EDIL3: variants seen among roughly 807,000 people sequenced by gnomAD.
EDIL3 encodes the protein EGF like and discoidin domains 3, also known as EGF-like repeat and discoidin I-like domain-containing protein 3.
In EDIL3, 37 loss-of-function variants were observed where a neutral mutation model predicts 67.4. That is an observed-to-expected ratio of 0.55 (90% confidence interval 0.42 to 0.72). The LOEUF (loss-of-function observed/expected upper bound fraction) is 0.72, where lower values mean the gene tolerates loss of function less well. Among genes scored for constraint, EDIL3 ranks in the 30% least tolerant of loss-of-function variants. EDIL3 has a pLI of 0.00. For missense variants in EDIL3, 527 were observed against 586.3 expected (o/e 0.90, Z 1.04); for synonymous variants, 195 against 196.3 (o/e 0.99, Z 0.05).
At chr5:83,964,837 T>C (rs961627556) in intron 9 of EDIL3, among the ~76,000 whole-genome samples, 26 of 152,012 alleles carry the variant, frequency 1.7e-4, no homozygotes, top group African/African-American at 6.3e-4. Flanking sequence ...TATTATATTA[T>C]CTAAAATGTC....
At chr5:84,126,941 C>T (rs1446248004) in intron 5 of EDIL3, among the ~76,000 whole-genome samples, 2 of 152,038 alleles carry the variant, frequency 1.3e-5, no homozygotes, top group African/African-American at 4.8e-5. Context: ...TATTAAGTTA[C>T]TGCCAAGTAA....
chr5:84,036,916 C>A (rs557917048), intron 9 of EDIL3, among the ~76,000 whole-genome samples: 7 of 152,260 alleles, frequency 4.6e-5, no homozygotes, highest in African/African-American at 1.7e-4. Context: ...CCATCTCATT[C>A]AAAAACAGAT....
intron 2 of EDIL3, among the ~76,000 whole-genome samples, chr5:84,246,241 T>C: frequency 6.6e-6 from 1 of 152,188 alleles, no homozygotes. Context: ...CCCTCAAAAG[T>C]GTTGTTAGCT....
rs1252295844 is a variant in EDIL3 at position 83,963,254 on chromosome 5, T to A, written c.1244A>T (p.Asp415Val). ...VGSYKLAYSN[D>V]GEHWTVYQDE... ...CTGGTATACAGTCCAGTGTTCTCCA[T>A]CATTGCTGTAAGCCAGTTTGTAGGA... The change falls in exon 10 of 11, where the codon GAT (aspartate) becomes GTT (valine). Residue 415 changes from aspartate to valine, a missense_variant. Coordinates refer to ENST00000296591, the MANE Select transcript of EDIL3 (RefSeq NM_005711.5). 6.2e-7 allele frequency: 1 copy of A among 1,610,602 alleles called. No homozygotes were observed.
intron 9 of EDIL3, among the ~76,000 whole-genome samples, chr5:84,045,208 G>A (rs886428876): frequency 2.0e-5 from 3 of 152,102 alleles, no homozygotes; most frequent in African/African-American, 7.2e-5. Context: ...TCTCCCTCTA[G>A]GTCCCTCCCA....
intron 1 of EDIL3, among the ~76,000 whole-genome samples, chr5:84,264,907 A>G (rs572906075): frequency 4.5e-4 from 69 of 152,296 alleles, no homozygotes; most frequent in African/African-American, 1.6e-3. Context: ...GTTTCACAGA[A>G]TCTTCTTATT....
chr5:84,243,178 G>T (rs116948202), intron 2 of EDIL3, among the ~76,000 whole-genome samples: 7 of 152,170 alleles, frequency 4.6e-5, no homozygotes, highest in African/African-American at 1.4e-4. Flanking sequence ...TACAGTGACC[G>T]ATAAACTGCA....
chr5:83,967,172 C>T (rs531893877), intron 9 of EDIL3, among the ~76,000 whole-genome samples: 17 of 151,972 alleles, frequency 1.1e-4, no homozygotes, highest in South Asian at 2.1e-4. Flanking sequence ...ATTACAAAAA[C>T]TAGCTGGGTG....
chr5:84,234,778 T>A (rs1176808009), intron 2 of EDIL3, among the ~76,000 whole-genome samples: 1 of 152,186 alleles, frequency 6.6e-6, no homozygotes, highest in African/African-American at 2.4e-5. Context: ...ATAAATTTGG[T>A]TAAGCATGTA....
intron 1 of EDIL3, among the ~76,000 whole-genome samples, chr5:84,315,590 T>A (rs1043422442): frequency 1.3e-5 from 2 of 152,196 alleles, no homozygotes; most frequent in African/African-American, 4.8e-5. Context: ...TAATATTTTT[T>A]AAAAAGTTGC....
intron 9 of EDIL3, among the ~76,000 whole-genome samples, chr5:84,017,726 A>G (rs1745633174): frequency 6.6e-6 from 1 of 152,208 alleles, no homozygotes; most frequent in African/African-American, 2.4e-5. Context: ...TGAATTACAA[A>G]TATTACAAAG....
chr5:84,132,744 T>C (rs1312345628), intron 5 of EDIL3, among the ~76,000 whole-genome samples: 1 of 149,968 alleles, frequency 6.7e-6, no homozygotes, highest in African/African-American at 2.5e-5. Context: ...TCAAAATATA[T>C]TCATAGGTAT....
At position 84,337,923 on chromosome 5, in the gene EDIL3, T is replaced by C. The variant is rs73144544; in HGVS notation, c.67+46385A>G. On this transcript the variant is annotated intron_variant, in intron 1 of 10. Coordinates refer to ENST00000296591, the MANE Select transcript of EDIL3 (RefSeq NM_005711.5). ...TCCGAGGTTATCAGTCATGCAACTA[T>C]AGAAGAATGTGCATCTTCTTTTCTA... 9.4e-3 allele frequency among the ~76,000 whole-genome samples: 1,433 copies of C among 152,258 alleles called. 16 individuals are homozygous for C. Among genetic ancestry groups the C allele is most frequent in the African/African-American group, 0.032 (1,337 of 41,560 alleles).
chr5:84,380,615 T>G (rs923067232), intron 1 of EDIL3, among the ~76,000 whole-genome samples: 1 of 152,210 alleles, frequency 6.6e-6, no homozygotes, highest in East Asian at 1.9e-4. Flanking sequence ...AATTACTTTT[T>G]TAGGCTTCAA....
In EDIL3 at chr5:83,964,774, C is replaced by T. The variant is rs191336295; in HGVS notation, c.1138-1414G>A. On this transcript the variant is annotated intron_variant, in intron 9 of 10. Transcript: ENST00000296591. The stretch of plus-strand genomic sequence containing the variant: ...TTAGGACAAAAGACCACCTTTAATG[C>T]TCTATTTAAACATTTTCAAAAATCA... 9.5e-3 allele frequency among the ~76,000 whole-genome samples: 1,443 copies of T among 152,108 alleles called. 10 individuals are homozygous for T. The highest frequency in any genetic ancestry group is 0.015 in the Non-Finnish European group (1,019 of 67,966).
intron 5 of EDIL3, among the ~76,000 whole-genome samples, chr5:84,122,745 G>A (rs1279512604): frequency 1.3e-5 from 2 of 151,880 alleles, no homozygotes; most frequent in Admixed American, 6.6e-5. Flanking sequence ...TTATGAAGAT[G>A]TAGGACAGTG....
intron 1 of EDIL3, among the ~76,000 whole-genome samples, chr5:84,374,048 A>G (rs1747913496): frequency 6.6e-6 from 1 of 152,198 alleles, no homozygotes; most frequent in African/African-American, 2.4e-5. Flanking sequence ...GAGGAAGTAA[A>G]GCATGTTATG....
intron 9 of EDIL3, among the ~76,000 whole-genome samples, chr5:83,968,419 T>G (rs1218501911): frequency 3.3e-5 from 5 of 152,104 alleles, no homozygotes; most frequent in Non-Finnish European, 7.4e-5. Flanking sequence ...TTTTTTCATG[T>G]AATATATTAA....
chr5:83,968,769 T>C (rs1744739620), intron 9 of EDIL3, among the ~76,000 whole-genome samples: 1 of 152,158 alleles, frequency 6.6e-6, no homozygotes, highest in African/African-American at 2.4e-5. Flanking sequence ...CTTATAACTA[T>C]TAATTTTTAA....
Sources: gnomAD v4.1 joint callset for allele counts (sites outside exome capture counted in the v4.1 genomes callset) on GRCh38, gnomAD v4.1.1 for gene constraint, MANE v1.5 for transcripts, NCBI Gene and HGNC (gene_info 2026-07-23, HGNC 2026-07-21) for gene names.